The following ARAP2 variants were observed in gnomAD, a reference collection of about 807,000 sequenced individuals.
ARAP2 encodes the protein ArfGAP with RhoGAP domain, ankyrin repeat and PH domain 2.
ARAP2 carries 148 observed loss-of-function variants against 194.5 expected under a neutral mutation model. The observed-to-expected ratio is 0.76, with a 90% confidence interval of 0.67 to 0.87. The LOEUF (loss-of-function observed/expected upper bound fraction) is 0.87, where lower values mean the gene tolerates loss of function less well. Ranked by LOEUF, ARAP2 falls within the 40% of genes least tolerant of loss-of-function variation. The pLI, the probability that ARAP2 is intolerant of heterozygous loss-of-function variation, is 0.00. For synonymous variants in ARAP2, 695 were observed against 683.5 expected, an observed-to-expected ratio of 1.02 and a Z score of -0.26; for missense variants, 2,128 against 1,989.7, an observed-to-expected ratio of 1.07 and a Z score of -1.32.
At chr4:36,009,453 T>C (rs1038867032) in intron 9 of ARAP2, among the ~76,000 whole-genome samples, 4 of 152,006 alleles carry the variant, frequency 2.6e-5, no homozygotes, top group East Asian at 1.9e-4. Context: ...ATGTGGGAGA[T>C]AAACATTGGG....
chr4:36,192,570 T>TTACA (rs1489178722), intron 7 of ARAP2, among the ~76,000 whole-genome samples: 1 of 152,084 alleles, frequency 6.6e-6, no homozygotes, highest in Non-Finnish European at 1.5e-5. Context: ...CCAGAAAAGG[T>TTACA]TACAGGTGCT....
intron 1 of ARAP2, among the ~76,000 whole-genome samples, chr4:36,235,206 C>T (rs1254470153): frequency 6.6e-6 from 1 of 152,152 alleles, no homozygotes. Context: ...GTCCTGAACC[C>T]CTCTCCCCCA....
intron 28 of ARAP2, among the ~76,000 whole-genome samples, chr4:36,089,904 T>G (rs2109378473): frequency 6.6e-6 from 1 of 152,212 alleles, no homozygotes; most frequent in South Asian, 2.1e-4. Flanking sequence ...TACATTTTTC[T>G]CAATCTGGGA....
chr4:36,218,334 G>T (rs1748431628), intron 2 of ARAP2, among the ~76,000 whole-genome samples: 1 of 152,022 alleles, frequency 6.6e-6, no homozygotes, highest in African/African-American at 2.4e-5. Flanking sequence ...GGAAGTGAGA[G>T]GAAAGAGAGG....
At chr4:36,140,765 T>C (rs1226900657) in intron 19 of ARAP2, among the ~76,000 whole-genome samples, 1 of 151,704 alleles carries the variant, frequency 6.6e-6, no homozygotes, top group Admixed American at 6.6e-5. Flanking sequence ...AACATACTGA[T>C]AAAGTGTTTA....
At chr4:36,077,069 A>T (rs1186802007) in intron 31 of ARAP2, among the ~76,000 whole-genome samples, 2 of 152,130 alleles carry the variant, frequency 1.3e-5, no homozygotes, top group South Asian at 2.1e-4. Context: ...AACAAAAAGC[A>T]GCCTGCAATC....
Position 36,211,827 on chromosome 4 carries a change from T to C in ARAP2, c.1133+569A>G, listed in dbSNP as rs188034981. On this transcript the variant is annotated intron_variant, in intron 5 of 32. Coordinates refer to ENST00000303965, the MANE Select transcript of ARAP2 (RefSeq NM_015230.4). ...ACCCCAGAAATATATACATCTACTA[T>C]GTAATCTCAAAAATTAAAAATTAAG... Among the ~76,000 whole-genome samples the C allele has an allele frequency of 2.4e-3, 359 of 152,214 alleles. 3 individuals carry two copies. The highest frequency in any genetic ancestry group is 8.1e-3 in the African/African-American group (335 of 41,564).
At chr4:36,075,785 T>A (rs1463347535) in intron 31 of ARAP2, among the ~76,000 whole-genome samples, 2 of 152,110 alleles carry the variant, frequency 1.3e-5, no homozygotes, top group Non-Finnish European at 2.9e-5. Context: ...TTCAGCTTAT[T>A]TCATGAGTGC....
chr4:36,011,380 ATAAAG>A (rs935399255), intron 9 of ARAP2, among the ~76,000 whole-genome samples: 4 of 152,236 alleles, frequency 2.6e-5, no homozygotes, highest in South Asian at 2.1e-4. Flanking sequence ...GTTTCATAAA[ATAAAG>A]TAGAGTTTTA....
chr4:36,160,134 C>A (rs1733578383), intron 13 of ARAP2: 1 of 1,004,304 alleles, frequency 1.0e-6, no homozygotes, highest in South Asian at 4.5e-5. Context: ...TAAGCTGCCT[C>A]TACATCTCTT....
chr4:36,020,064 C>T (rs1262697911), intron 5 of ARAP2, among the ~76,000 whole-genome samples: 3 of 152,108 alleles, frequency 2.0e-5, no homozygotes, highest in South Asian at 4.1e-4. Flanking sequence ...TATTTGAAGG[C>T]CATTGCTAGG....
chr4:36,187,021 C>T (rs900425290), intron 8 of ARAP2, among the ~76,000 whole-genome samples: 2 of 152,256 alleles, frequency 1.3e-5, no homozygotes, highest in African/African-American at 4.8e-5. Context: ...TTCCACGAAA[C>T]CAGTCCCTGG....
intron 1 of ARAP2, among the ~76,000 whole-genome samples, chr4:36,232,512 A>G (rs188530544): frequency 6.8e-4 from 104 of 152,320 alleles, no homozygotes; most frequent in African/African-American, 2.3e-3. Context: ...AGGCATTCCT[A>G]TGTATCAACT....
At chr4:36,117,449 C>T (rs1721635925) in intron 24 of ARAP2, among the ~76,000 whole-genome samples, 1 of 151,686 alleles carries the variant, frequency 6.6e-6, no homozygotes, top group African/African-American at 2.4e-5. Flanking sequence ...TAGATATATG[C>T]TGGCTGTGAC....
rs572134966 is a variant in ARAP2, at chr4:36,210,145, G to A, written c.1487+245C>T. On this transcript the variant is annotated intron_variant, in intron 6 of 32. Coordinates refer to ENST00000303965, the MANE Select transcript of ARAP2 (RefSeq NM_015230.4). ...GGTAACATTAAGAAATTAGATGTGA[G>A]GTCATAACTTTCTATTTTAATTTGC... 4.6e-5 allele frequency among the ~76,000 whole-genome samples: 7 copies of A among 152,182 alleles called. No individual in the cohort carries two copies. The East Asian group carries it at 9.6e-4, about 21-fold the overall frequency.
intron 8 of ARAP2, among the ~76,000 whole-genome samples, chr4:36,184,826 C>T (rs1010090119): frequency 1.3e-5 from 2 of 152,176 alleles, no homozygotes; most frequent in East Asian, 1.9e-4. Flanking sequence ...TAAGGAAAGA[C>T]TGTCATAATA....
intron 10 of ARAP2, among the ~76,000 whole-genome samples, chr4:36,165,822 C>A (rs528636874): frequency 6.6e-6 from 1 of 152,274 alleles, no homozygotes; most frequent in East Asian, 1.9e-4. Flanking sequence ...GTGCTACATA[C>A]TTGGTCAATG....
At chr4:36,080,552 G>A (rs149704591) in intron 30 of ARAP2, among the ~76,000 whole-genome samples, 1 of 152,292 alleles carries the variant, frequency 6.6e-6, no homozygotes, top group East Asian at 1.9e-4. Flanking sequence ...TTTTCGGAAA[G>A]GCAGAAAGAT....
At chr4:36,213,925 T>A (rs1366008557) in intron 3 of ARAP2, among the ~76,000 whole-genome samples, 4 of 152,090 alleles carry the variant, frequency 2.6e-5, no homozygotes, top group Non-Finnish European at 5.9e-5. Flanking sequence ...CTGGCAAAAA[T>A]TTTTCTTAAA....
Sources: gnomAD v4.1 joint callset for allele counts (sites outside exome capture counted in the v4.1 genomes callset) on GRCh38, gnomAD v4.1.1 for gene constraint, MANE v1.5 for transcripts, NCBI Gene and HGNC (gene_info 2026-07-23, HGNC 2026-07-21) for gene names.